Variants in ERBB4 observed in about 807,000 individuals in gnomAD.
ERBB4 encodes erb-b2 receptor tyrosine kinase 4.
A neutral mutation model predicts 158.0 loss-of-function variants in ERBB4; 42 were observed. The ratio of observed to expected loss-of-function variants is 0.27; its 90% CI spans 0.21 to 0.34. The LOEUF is 0.34. ERBB4 is among the 10% of genes least tolerant of loss of function. The pLI is 1.00. For synonymous variants in ERBB4, 583 were observed against 558.7 expected, an observed-to-expected ratio of 1.04 and a Z score of -0.61; for missense variants, 1,333 against 1,624.1, an observed-to-expected ratio of 0.82 and a Z score of 3.08.
chr2:211,644,167 G>A (rs1401259950), intron 16 of ERBB4, among the ~76,000 whole-genome samples: 1 of 151,936 alleles, frequency 6.6e-6, no homozygotes, highest in African/African-American at 2.4e-5. Flanking sequence ...GAGGCTTTTG[G>A]TCATTGCACC....
chr2:211,532,765 T>A (rs529611002), intron 20 of ERBB4, among the ~76,000 whole-genome samples: 1 of 151,996 alleles, frequency 6.6e-6, no homozygotes, highest in Non-Finnish European at 1.5e-5. Context: ...ATGACTGACA[T>A]TTTGAGTGTT....
At chr2:212,225,169 A>G (rs1313827225) in intron 1 of ERBB4, among the ~76,000 whole-genome samples, 2 of 152,082 alleles carry the variant, frequency 1.3e-5, no homozygotes, top group Admixed American at 6.6e-5. Context: ...TCATCCTAAA[A>G]TAATTTTTAC....
chr2:212,466,896 G>T (rs1315213968), intron 1 of ERBB4, among the ~76,000 whole-genome samples: 1 of 152,184 alleles, frequency 6.6e-6, no homozygotes, highest in African/African-American at 2.4e-5. Flanking sequence ...TGCTGAGAGT[G>T]ATATGAACAA....
intron 3 of ERBB4, among the ~76,000 whole-genome samples, chr2:211,887,552 A>C (rs2078837819): frequency 1.3e-5 from 2 of 152,096 alleles, no homozygotes; most frequent in Non-Finnish European, 2.9e-5. Context: ...CATCACTCTA[A>C]TTCACCTTTT....
rs539275028 is a variant in ERBB4 at position 212,434,510 on chromosome 2, G to A, written c.82+103939C>T. On this transcript the variant is annotated intron_variant, in intron 1 of 27. Transcript: ENST00000342788. ...GACTCTCAGGTGGTCTTTGGGGTAAGAGTAGGGGGAGTGTGGGGGGAAAAA... is the reference window on the plus strand; with the variant it reads ...GACTCTCAGGTGGTCTTTGGGGTAAAAGTAGGGGGAGTGTGGGGGGAAAAA... Among the ~76,000 whole-genome samples the A allele has an allele frequency of 4.1e-4, 62 of 151,792 alleles. 1 individual carries two copies. The highest frequency in any genetic ancestry group is 7.8e-4 in the Non-Finnish European group (53 of 67,832).
chr2:211,541,657 A>G (rs1000873775), intron 20 of ERBB4, among the ~76,000 whole-genome samples: 1 of 152,062 alleles, frequency 6.6e-6, no homozygotes, highest in African/African-American at 2.4e-5. Context: ...GGAATAAATG[A>G]GGAAGCTTAT....
intron 1 of ERBB4, among the ~76,000 whole-genome samples, chr2:212,125,572 A>G (rs551611327): frequency 1.6e-4 from 24 of 152,042 alleles, no homozygotes; most frequent in Non-Finnish European, 2.8e-4. Context: ...CCTCCTCCCA[A>G]CTTCCATTCT....
chr2:212,103,174 C>T (rs930974483), intron 2 of ERBB4, among the ~76,000 whole-genome samples: 2 of 152,104 alleles, frequency 1.3e-5, no homozygotes, highest in African/African-American at 2.4e-5. Flanking sequence ...CTAACTTCCT[C>T]CTGCCCCAAA....
intron 20 of ERBB4, among the ~76,000 whole-genome samples, chr2:211,530,752 T>C (rs2066475223): frequency 6.6e-6 from 1 of 152,014 alleles, no homozygotes; most frequent in Admixed American, 6.6e-5. Context: ...TGGCCAGGCC[T>C]GGTGGTGTGT....
intron 1 of ERBB4, among the ~76,000 whole-genome samples, chr2:212,373,694 T>C (rs2090162257): frequency 6.8e-6 from 1 of 147,900 alleles, no homozygotes; most frequent in Non-Finnish European, 1.5e-5. Flanking sequence ...GAGATACATA[T>C]ATATCCATAT....
chr2:211,482,238 C>T (rs781249577), intron 20 of ERBB4, among the ~76,000 whole-genome samples: 1 of 152,178 alleles, frequency 6.6e-6, no homozygotes, highest in Non-Finnish European at 1.5e-5. Context: ...GGTGAAGAAT[C>T]ATCCAAATTT....
intron 2 of ERBB4, among the ~76,000 whole-genome samples, chr2:211,993,319 G>A (rs1489104270): frequency 2.0e-5 from 3 of 152,154 alleles, no homozygotes; most frequent in Admixed American, 6.6e-5. Flanking sequence ...AAGACACGAC[G>A]AGAGGGCAGC....
At chr2:212,351,126 G>C (rs987510653) in intron 1 of ERBB4, among the ~76,000 whole-genome samples, 5 of 152,080 alleles carry the variant, frequency 3.3e-5, no homozygotes, top group African/African-American at 1.2e-4. Flanking sequence ...GAGGTGATTA[G>C]GTTAAAATGA....
chr2:211,796,536 ATT>A (rs1215650194), intron 3 of ERBB4, among the ~76,000 whole-genome samples: 6 of 151,904 alleles, frequency 3.9e-5, no homozygotes, highest in African/African-American at 1.2e-4. Flanking sequence ...AATTTAACTT[ATT>A]TATATGCCCA....
At chr2:211,843,778 G>C (rs552161763) in intron 3 of ERBB4, among the ~76,000 whole-genome samples, 5 of 151,944 alleles carry the variant, frequency 3.3e-5, no homozygotes, top group African/African-American at 1.2e-4. Flanking sequence ...TATCATAAAT[G>C]ATCATGTCTA....
At chr2:212,108,502 G>A (rs767545264) in intron 2 of ERBB4, among the ~76,000 whole-genome samples, 9 of 152,192 alleles carry the variant, frequency 5.9e-5, no homozygotes, top group Middle Eastern at 3.4e-3. Context: ...TGTGTTCAGG[G>A]GTCATGCCAG....
intron 1 of ERBB4, among the ~76,000 whole-genome samples, chr2:212,285,976 T>C (rs1351228363): frequency 6.6e-6 from 1 of 152,154 alleles, no homozygotes; most frequent in Non-Finnish European, 1.5e-5. Context: ...TTTGACATGA[T>C]TGTTTATCTT....
intron 1 of ERBB4, among the ~76,000 whole-genome samples, chr2:212,351,258 G>A (rs1242521358): frequency 6.6e-6 from 1 of 152,074 alleles, no homozygotes; most frequent in East Asian, 1.9e-4. Context: ...CAGAAAGAAG[G>A]TAGCTACCCA....
chr2:211,973,491 G>A lies in ERBB4; in HGVS notation c.235-25875C>T, dbSNP rs141039165. ...GCTGGGATTAAAGGCATGAGCCACC[G>A]TGCCCAGCCGGGAAATTAAAAACTA... On this transcript the variant is annotated intron_variant, in intron 2 of 27. Coordinates refer to ENST00000342788, the MANE Select transcript of ERBB4 (RefSeq NM_005235.3). 6.8e-3 allele frequency among the ~76,000 whole-genome samples: 1,031 copies of A among 152,178 alleles called. 13 individuals are homozygous for A. The highest frequency in any genetic ancestry group is 0.023 in the African/African-American group (938 of 41,524).
Sources: allele counts gnomAD v4.1 joint callset (sites outside exome capture counted in the v4.1 genomes callset), GRCh38; gene constraint gnomAD v4.1.1; transcripts MANE v1.5; gene names NCBI Gene and HGNC (gene_info 2026-07-23, HGNC 2026-07-21).